The following SYNPO2 variants were observed in gnomAD, a reference collection of about 807,000 sequenced individuals.
SYNPO2 encodes synaptopodin 2, also known as synaptopodin-2.
SYNPO2 carries 56 observed loss-of-function variants against 85.0 expected under a neutral mutation model. That is an observed-to-expected ratio of 0.66 (90% CI 0.53 to 0.82). SYNPO2 has a LOEUF of 0.82. Among genes scored for constraint, SYNPO2 ranks in the 40% least tolerant of loss-of-function variants. The probability of loss-of-function intolerance (pLI) is 0.00; values close to 1 mark genes in which losing one functional copy is unlikely to be tolerated. For missense variants in SYNPO2, 1,575 were observed against 1,534.2 expected (o/e 1.03, Z -0.44); for synonymous variants, 602 against 591.1 (o/e 1.02, Z -0.27).
chr4:118,896,756 A>G (rs562490960), intron 1 of SYNPO2, among the ~76,000 whole-genome samples: 2 of 152,242 alleles, frequency 1.3e-5, no homozygotes, highest in African/African-American at 2.4e-5. Context: ...TTTAACTAGC[A>G]TATAAATCTG....
At chr4:118,945,076 G>A (rs1578573616) in intron 1 of SYNPO2, among the ~76,000 whole-genome samples, 1 of 152,298 alleles carries the variant, frequency 6.6e-6, no homozygotes, top group Non-Finnish European at 1.5e-5. Context: ...AAATGGTAAT[G>A]AAGTACAGTA....
At chr4:119,005,793 A>T (rs1737012038) in intron 1 of SYNPO2, among the ~76,000 whole-genome samples, 1 of 152,220 alleles carries the variant, frequency 6.6e-6, no homozygotes, top group Admixed American at 6.5e-5. Flanking sequence ...AATGGCAAAT[A>T]AATATCTACC....
chr4:118,977,073 G>C lies in SYNPO2; in HGVS notation c.106-46357G>C, dbSNP rs574114133. Among the ~76,000 whole-genome samples, 347 of 152,334 alleles carry C rather than the reference G, an allele frequency of 2.3e-3. 6 individuals are homozygous for C. Among genetic ancestry groups the C allele is most frequent in the East Asian group, 8.9e-3 (46 of 5,172 alleles). On this transcript the variant is annotated intron_variant, in intron 1 of 4. Transcript: ENST00000307142. ...CGCATTCCTCAGCCCTTGGGTGGTC[G>C]ATGGGACTGGGCGCCGTGGAGCAGG...
intron 1 of SYNPO2, among the ~76,000 whole-genome samples, chr4:118,866,770 G>T (rs1478167874): frequency 6.6e-6 from 1 of 152,150 alleles, no homozygotes; most frequent in African/African-American, 2.4e-5. Context: ...GCCACCATGT[G>T]AAGATGTGCT....
rs181510075 is a variant in SYNPO2 at position 118,909,728 on chromosome 4, C to T, written c.105+20587C>T. Among the ~76,000 whole-genome samples, 422 of 152,266 alleles carry T rather than the reference C, an allele frequency of 2.8e-3. 1 individual carries two copies. Among genetic ancestry groups the T allele is most frequent in the African/African-American group, 5.0e-3 (207 of 41,550 alleles). ...CAGAGGGAGATGCTGCATCTGCTGC[C>T]GGGGCTCTTGAGCCAGCAAACTTGC... On this transcript the variant is annotated intron_variant, in intron 1 of 4. Coordinates refer to ENST00000307142, the MANE Select transcript of SYNPO2 (RefSeq NM_133477.3).
At chr4:119,006,931 T>C (rs1418662509) in intron 1 of SYNPO2, among the ~76,000 whole-genome samples, 6 of 151,950 alleles carry the variant, frequency 3.9e-5, no homozygotes, top group African/African-American at 1.2e-4. Context: ...AATTACCTCA[T>C]ATTTCTTCAG....
intron 1 of SYNPO2, among the ~76,000 whole-genome samples, chr4:118,934,933 C>T (rs1433693910): frequency 6.6e-6 from 1 of 152,118 alleles, no homozygotes; most frequent in South Asian, 2.1e-4. Flanking sequence ...CCTTTTTAGC[C>T]ACAGAAAGTA....
intron 1 of SYNPO2, among the ~76,000 whole-genome samples, chr4:118,923,656 A>G (rs542304617): frequency 1.3e-5 from 2 of 152,294 alleles, no homozygotes; most frequent in South Asian, 2.1e-4. Flanking sequence ...TTTGAAATAC[A>G]AACAAGATAT....
chr4:119,006,859 C>G (rs1476165113), intron 1 of SYNPO2, among the ~76,000 whole-genome samples: 1 of 151,956 alleles, frequency 6.6e-6, no homozygotes, highest in Non-Finnish European at 1.5e-5. Context: ...TTTCACTCTA[C>G]GTTTATTAGC....
intron 1 of SYNPO2, among the ~76,000 whole-genome samples, chr4:118,934,810 C>T (rs1295318749): frequency 2.0e-5 from 3 of 152,170 alleles, no homozygotes; most frequent in Non-Finnish European, 4.4e-5. Flanking sequence ...AATGAACCAG[C>T]TACTACCTTC....
intron 1 of SYNPO2, among the ~76,000 whole-genome samples, chr4:118,922,575 G>A (rs897360021): frequency 6.6e-6 from 1 of 151,626 alleles, no homozygotes; most frequent in South Asian, 2.1e-4. Flanking sequence ...CATATTCACA[G>A]GATGTAGATA....
At chr4:118,860,463 C>G (rs1372359666) in intron 1 of SYNPO2, among the ~76,000 whole-genome samples, 1 of 151,876 alleles carries the variant, frequency 6.6e-6, no homozygotes, top group Non-Finnish European at 1.5e-5. Context: ...AGGGTGGTCT[C>G]AAACTCCTGG....
At position 118,944,973 on chromosome 4, in the gene SYNPO2, C is replaced by T. The variant is rs760919804; in HGVS notation, c.105+55832C>T. On this transcript the variant is annotated intron_variant, in intron 1 of 4. Transcript: ENST00000307142. ...ACCTTACCACTGACTTGTGCATGAC[C>T]TTGGACTAGTTGGCCTCTCTGAACC... is the stretch of plus-strand genomic sequence containing the variant. Among the ~76,000 whole-genome samples the T allele has an allele frequency of 3.8e-4, 58 of 152,138 alleles. 1 individual carries two copies. Among genetic ancestry groups the T allele is most frequent in the Non-Finnish European group, 1.5e-4 (10 of 68,024 alleles).
At chr4:118,932,538 C>A (rs1733965600) in intron 1 of SYNPO2, among the ~76,000 whole-genome samples, 2 of 152,006 alleles carry the variant, frequency 1.3e-5, no homozygotes, top group South Asian at 4.2e-4. Context: ...CAACAAATAC[C>A]TAGATTTAAT....
At chr4:118,997,428 A>G (rs1736649383) in intron 1 of SYNPO2, among the ~76,000 whole-genome samples, 1 of 152,082 alleles carries the variant, frequency 6.6e-6, no homozygotes, top group African/African-American at 2.4e-5. Context: ...TACTATACTC[A>G]TGCTACCTGA....
At chr4:119,022,056 T>G (rs752404637) in intron 1 of SYNPO2, among the ~76,000 whole-genome samples, 12 of 152,224 alleles carry the variant, frequency 7.9e-5, no homozygotes, top group Non-Finnish European at 1.5e-4. Flanking sequence ...GTTTGCTTAG[T>G]ACCATGCCTG....
chr4:118,944,180 A>G (rs565414137), intron 1 of SYNPO2, among the ~76,000 whole-genome samples: 5 of 152,204 alleles, frequency 3.3e-5, no homozygotes, highest in African/African-American at 1.2e-4. Flanking sequence ...TTTAGTGTCA[A>G]ATCAAGTGCA....
At chr4:118,910,426 T>A (rs563694179) in intron 1 of SYNPO2, among the ~76,000 whole-genome samples, 1 of 152,374 alleles carries the variant, frequency 6.6e-6, no homozygotes, top group South Asian at 2.1e-4. Flanking sequence ...ATTTCCATTT[T>A]TACAGCTTTC....
intron 1 of SYNPO2, among the ~76,000 whole-genome samples, chr4:119,007,419 A>C (rs1296905006): frequency 1.3e-5 from 2 of 150,594 alleles, no homozygotes; most frequent in African/African-American, 4.9e-5. Context: ...AAACAAAAAA[A>C]AAACATAAAA....
Sources: allele counts gnomAD v4.1 joint callset (sites outside exome capture counted in the v4.1 genomes callset), GRCh38; gene constraint gnomAD v4.1.1; transcripts MANE v1.5; gene names NCBI Gene and HGNC (gene_info 2026-07-23, HGNC 2026-07-21).